The following EIF2AK4 variants were observed in gnomAD, a reference collection of about 807,000 sequenced individuals.
EIF2AK4 encodes the protein eukaryotic translation initiation factor 2 alpha kinase 4, also known as eIF-2-alpha kinase GCN2.
In EIF2AK4, 139 loss-of-function variants were observed where a neutral mutation model predicts 211.1. The observed-to-expected ratio is 0.66, with a 90% confidence interval of 0.57 to 0.76. EIF2AK4 has a LOEUF of 0.76. Ranked by LOEUF, EIF2AK4 falls within the 30% of genes least tolerant of loss-of-function variation. EIF2AK4 has a pLI of 0.00. For missense variants in EIF2AK4, 1,664 were observed against 2,043.8 expected (o/e 0.81, Z 3.58); for synonymous variants, 710 against 751.3 (o/e 0.94, Z 0.90).
rs1461401644 is a variant in EIF2AK4 at position 39,967,636 on chromosome 15, G to A, written c.1310G>A (p.Gly437Asp). The A allele has an allele frequency of 6.2e-7, 1 of 1,614,120 alleles. No homozygotes were observed. Among genetic ancestry groups the A allele is most frequent in the Non-Finnish European group, 8.5e-7 (1 of 1,180,010 alleles). Reference protein sequence around the residue: ...SASNVLVDAEGTVKITDYSIS... With the variant: ...SASNVLVDAEDTVKITDYSIS... ...TCTAATGTCTTGGTGGATGCAGAAGGCACCGTCAAGATTACGGACTATAGC... is the reference window on the plus strand; with the variant it reads ...TCTAATGTCTTGGTGGATGCAGAAGACACCGTCAAGATTACGGACTATAGC... The change falls in exon 9 of 39, where the codon GGC (glycine) becomes GAC (aspartate). Residue 437 changes from glycine (G) to aspartate (D), a missense_variant. Coordinates refer to ENST00000263791, the MANE Select transcript of EIF2AK4 (RefSeq NM_001013703.4).
At chr15:39,981,400 A>C (rs1298264021) in intron 13 of EIF2AK4, among the ~76,000 whole-genome samples, 1 of 152,156 alleles carries the variant, frequency 6.6e-6, no homozygotes, top group Non-Finnish European at 1.5e-5. Context: ...ACTACTGCTA[A>C]AGCCAAAGTT....
chr15:39,977,131 TTAAAAA>T (rs1034905008), intron 12 of EIF2AK4: 16 of 332,614 alleles, frequency 4.8e-5, no homozygotes, highest in South Asian at 4.5e-4. Flanking sequence ...TTGACCATGT[TTAAAAA>T]CAAAAACAAA....
At chr15:39,955,215 A>G (rs930308883) in intron 5 of EIF2AK4, among the ~76,000 whole-genome samples, 66 of 152,262 alleles carry the variant, frequency 4.3e-4, no homozygotes, top group African/African-American at 1.5e-3. Context: ...AAGCATTTTC[A>G]TTTATAAAAT....
At chr15:40,018,759 T>C (rs921938386) in intron 29 of EIF2AK4, among the ~76,000 whole-genome samples, 4 of 152,218 alleles carry the variant, frequency 2.6e-5, no homozygotes, top group Non-Finnish European at 4.4e-5. Flanking sequence ...TTAACAAGGA[T>C]TTTACATTTT....
At chr15:39,992,722 G>A (rs772602897) in intron 17 of EIF2AK4, 47 bp from the exon 18 acceptor site, 33 of 1,534,660 alleles carry the variant, frequency 2.2e-5, no homozygotes, top group East Asian at 6.7e-5. Context: ...TGTGTCTTCT[G>A]TAAGTGCTAT....
intron 27 of EIF2AK4, among the ~76,000 whole-genome samples, chr15:40,012,952 A>G (rs2035253907): frequency 6.6e-6 from 1 of 152,190 alleles, no homozygotes; most frequent in African/African-American, 2.4e-5. Flanking sequence ...TATTTCACAA[A>G]TGAGACACCT....
rs777611369 is a variant in EIF2AK4, at chr15:39,939,609, T to C, written c.249T>C (p.Tyr83=). Residue 83 remains tyrosine (Y), a synonymous_variant, in exon 2 of 39, where the codon TAT becomes TAC. Transcript: ENST00000263791. ...TGAGGGTTAAATGCCCACCTACCTATCCAGATGTGTGAGTACATTTATAAA... is the reference window on the plus strand; with the variant it reads ...TGAGGGTTAAATGCCCACCTACCTACCCAGATGTGTGAGTACATTTATAAA... The part of the protein sequence containing the change: ...VDLRVKCPPT[Y]PDVVPEIELK... 14 of 1,606,480 alleles carry C rather than the reference T, an allele frequency of 8.7e-6. No homozygotes were observed. The East Asian group carries it at 3.1e-4, about 36-fold the overall frequency.
chr15:39,981,095 G>C (rs2140921562), intron 13 of EIF2AK4, among the ~76,000 whole-genome samples: 1 of 152,248 alleles, frequency 6.6e-6, no homozygotes, highest in South Asian at 2.1e-4. Context: ...AACTATGTTG[G>C]CTGCAGTGGC....
intron 19 of EIF2AK4, among the ~76,000 whole-genome samples, chr15:39,997,460 G>A (rs2035032624): frequency 6.6e-6 from 1 of 152,114 alleles, no homozygotes; most frequent in Admixed American, 6.6e-5. Context: ...GGTTATAGTT[G>A]CTTTTTAAAA....
At chr15:39,992,328 C>T in intron 17 of EIF2AK4, 99 bp downstream of exon 17, 2 of 1,002,542 alleles carry the variant, frequency 2.0e-6, no homozygotes, top group Non-Finnish European at 2.9e-6. Context: ...TATTCTACGG[C>T]AGATTTTAAT....
chr15:40,022,345 C>T, intron 31 of EIF2AK4, 174 bp from the exon 32 acceptor site: 1 of 564,926 alleles, frequency 1.8e-6, no homozygotes, highest in Non-Finnish European at 3.1e-6. Context: ...AGGCCTTGTT[C>T]CTCCCTTGAA....
At chr15:40,018,961 A>C (rs2140944295) in intron 29 of EIF2AK4, 132 bp from the exon 30 acceptor site, 1 of 686,434 alleles carries the variant, frequency 1.5e-6, no homozygotes, top group East Asian at 2.8e-5. Flanking sequence ...TTTACTACAC[A>C]CACACATTTC....
At chr15:40,031,514 TCTCC>T (rs2035542695) in intron 35 of EIF2AK4, among the ~76,000 whole-genome samples, 1 of 152,140 alleles carries the variant, frequency 6.6e-6, no homozygotes, top group Non-Finnish European at 1.5e-5. Context: ...TGCTGCCACC[TCTCC>T]CTTTTTCCCA....
At chr15:39,978,041 T>C in intron 12 of EIF2AK4, 37 bp from the exon 13 acceptor site, 2 of 1,454,982 alleles carry the variant, frequency 1.4e-6, no homozygotes, top group Non-Finnish European at 1.9e-6. Context: ...ATAATAGGGA[T>C]TTCTGTTCCT....
At chr15:39,985,950 T>G in intron 14 of EIF2AK4, 62 bp downstream of exon 14, 3 of 1,442,224 alleles carry the variant, frequency 2.1e-6, no homozygotes, top group Non-Finnish European at 2.9e-6. Context: ...GTGGGCCTGT[T>G]TCAGGGTATT....
rs1016324600 is a variant in EIF2AK4 at position 40,009,671 on chromosome 15, C to T, written c.3634C>T (p.His1212Tyr). Residue 1212 changes from histidine to tyrosine, a missense_variant, in exon 26 of 39, where the codon CAC becomes TAC. This residue lies in a region of EIF2AK4 where 622 missense variants were observed against 796.8 expected (regional missense o/e 0.78). Transcript: ENST00000263791. The part of the protein sequence containing the change: ...HTMLLKAILL[H>Y]CGIPEDKLSQ... ...CATGTTATTGAAAGCAATACTCTTA[C>T]ACTGTGGGATCCCAGAAGATAAACT... 1 of 1,610,564 alleles carries T rather than the reference C, an allele frequency of 6.2e-7. No individual in the cohort carries two copies. The highest frequency in any genetic ancestry group is 8.5e-7 in the Non-Finnish European group (1 of 1,178,466).
intron 4 of EIF2AK4, chr15:39,951,255 A>T (rs2034307506): frequency 6.4e-6 from 1 of 156,198 alleles, no homozygotes; most frequent in South Asian, 1.7e-4. Flanking sequence ...CAATGATGTG[A>T]CCTCAGCTCA....
At chr15:39,993,127 T>TCCAC (rs1220053284) in intron 18 of EIF2AK4, among the ~76,000 whole-genome samples, 2 of 137,886 alleles carry the variant, frequency 1.5e-5, no homozygotes, top group African/African-American at 5.4e-5. Context: ...CACCCATCCA[T>TCCAC]CCACCCACCC....
chr15:40,008,138 C>T lies in EIF2AK4; in HGVS notation c.3519C>T (p.Pro1173=), dbSNP rs763917738. 6 of 1,612,382 alleles carry T rather than the reference C, an allele frequency of 3.7e-6. No homozygotes were observed. The highest frequency in any genetic ancestry group is 5.1e-6 in the Non-Finnish European group (6 of 1,179,378). The change falls in exon 25 of 39, where the codon CCC becomes CCT. Residue 1173 remains proline, a synonymous_variant. Coordinates refer to ENST00000263791, the MANE Select transcript of EIF2AK4 (RefSeq NM_001013703.4). ...CTTCTACCACCAACAGCTTTCTGCC[C>T]ACTGCTGAAATTATCTACACTATCT... ...IVTSTTNSFL[P]TAEIIYTIYE... is the part of the protein sequence containing the mutation.
Sources: gnomAD v4.1 joint callset for allele counts (sites outside exome capture counted in the v4.1 genomes callset) on GRCh38, gnomAD v4.1.1 for gene constraint, gnomAD v4.1.1 regional missense constraint, MANE v1.5 for transcripts, NCBI Gene and HGNC (gene_info 2026-07-23, HGNC 2026-07-21) for gene names.